The following WWOX variants were observed in gnomAD, a reference collection of about 807,000 sequenced individuals.
WWOX encodes the protein WW domain-containing oxidoreductase.
WWOX carries 69 observed loss-of-function variants against 46.2 expected under a neutral mutation model. The observed-to-expected ratio is 1.49, with a 90% confidence interval of 1.23 to 1.82. The LOEUF (loss-of-function observed/expected upper bound fraction) is 1.82. WWOX is among the 40% of genes most tolerant of loss of function. WWOX has a pLI of 0.00. For missense variants in WWOX, 919 were observed against 542.6 expected (o/e 1.69, Z -6.89); for synonymous variants, 359 against 202.6 (o/e 1.77, Z -6.56).
chr16:79,079,501 C>T (rs551546925), intron 8 of WWOX, among the ~76,000 whole-genome samples: 1 of 152,260 alleles, frequency 6.6e-6, no homozygotes, highest in East Asian at 1.9e-4. Flanking sequence ...TTGCCCCAAC[C>T]CCCTGTTACA....
intron 4 of WWOX, among the ~76,000 whole-genome samples, chr16:78,141,069 G>A (rs148322781): frequency 4.1e-4 from 62 of 152,252 alleles, no homozygotes; most frequent in Admixed American, 2.2e-3. Context: ...CTTTTGCCTC[G>A]TTATCATCAG....
At chr16:78,582,922 A>T (rs1164509700) in intron 8 of WWOX, among the ~76,000 whole-genome samples, 1 of 152,188 alleles carries the variant, frequency 6.6e-6, no homozygotes, top group Non-Finnish European at 1.5e-5. Context: ...ACAAGAAATG[A>T]TGAAAAGAAG....
chr16:79,045,587 C>A (rs957075344), intron 8 of WWOX, among the ~76,000 whole-genome samples: 3 of 152,028 alleles, frequency 2.0e-5, no homozygotes, highest in Non-Finnish European at 4.4e-5. Flanking sequence ...AGCCTCAAAA[C>A]AATCTGATGC....
intron 8 of WWOX, among the ~76,000 whole-genome samples, chr16:78,656,544 C>G (rs1485501702): frequency 2.0e-5 from 3 of 152,174 alleles, no homozygotes; most frequent in Non-Finnish European, 2.9e-5. Flanking sequence ...GGAGGAGGTA[C>G]TACCCACTTT....
At chr16:78,457,137 C>T (rs557120008) in intron 8 of WWOX, among the ~76,000 whole-genome samples, 10 of 152,312 alleles carry the variant, frequency 6.6e-5, no homozygotes, top group East Asian at 5.8e-4. Context: ...TCTCTCTGAT[C>T]GTGTCTGTGT....
intron 8 of WWOX, chr16:79,077,595 C>T (rs1359657029): frequency 1.3e-5 from 2 of 151,018 alleles, no homozygotes; most frequent in African/African-American, 4.9e-5. Flanking sequence ...CTTAAAGTTC[C>T]ATTGTTGCTG....
intron 8 of WWOX, among the ~76,000 whole-genome samples, chr16:78,591,405 C>T (rs2045348769): frequency 6.6e-6 from 1 of 152,196 alleles, no homozygotes; most frequent in Non-Finnish European, 1.5e-5. Context: ...CAGTACACAA[C>T]TGTCTCCAGT....
chr16:78,264,177 C>T (rs1343024987), intron 5 of WWOX, among the ~76,000 whole-genome samples: 1 of 151,578 alleles, frequency 6.6e-6, no homozygotes, highest in Admixed American at 6.6e-5. Context: ...CACAGAGGGC[C>T]CCAGGGACCC....
intron 8 of WWOX, among the ~76,000 whole-genome samples, chr16:78,972,549 T>C (rs1306425478): frequency 6.7e-6 from 1 of 149,800 alleles, no homozygotes; most frequent in Non-Finnish European, 1.5e-5. Flanking sequence ...GGGTGAAGAG[T>C]AGCAAATTTA....
At chr16:78,628,308 C>T (rs1036597709) in intron 8 of WWOX, among the ~76,000 whole-genome samples, 3 of 152,134 alleles carry the variant, frequency 2.0e-5, no homozygotes, top group African/African-American at 4.8e-5. Context: ...CTTTTCAGTT[C>T]AGTGTTTCAG....
chr16:78,102,174 G>A (rs900600094), intron 1 of WWOX, among the ~76,000 whole-genome samples: 8 of 152,148 alleles, frequency 5.3e-5, no homozygotes, highest in African/African-American at 1.9e-4. Context: ...CCCTCCCGAA[G>A]CACTGGAATC....
chr16:78,825,306 G>C (rs1411336349), intron 8 of WWOX: 1 of 302,930 alleles, frequency 3.3e-6, no homozygotes, highest in Non-Finnish European at 6.6e-6. Context: ...TCCAAGAAGA[G>C]GATGTTGGTC....
intron 1 of WWOX, chr16:78,100,269 G>C (rs1031664935): frequency 9.1e-7 from 1 of 1,098,804 alleles, no homozygotes; most frequent in Non-Finnish European, 1.1e-6. Flanking sequence ...GTTTTGTTTT[G>C]TCCAGACCGG....
At chr16:79,122,267 C>G (rs934353285) in intron 8 of WWOX, among the ~76,000 whole-genome samples, 1 of 151,848 alleles carries the variant, frequency 6.6e-6, no homozygotes, top group Non-Finnish European at 1.5e-5. Flanking sequence ...TAGGCTGAGC[C>G]AAAAAAGAAA....
intron 5 of WWOX, among the ~76,000 whole-genome samples, chr16:78,255,568 T>C (rs2038106040): frequency 6.6e-6 from 1 of 152,170 alleles, no homozygotes; most frequent in Admixed American, 6.6e-5. Context: ...GCATGTTTAC[T>C]CTCCTGATGT....
At chr16:79,000,703 G>T (rs1322681516) in intron 8 of WWOX, among the ~76,000 whole-genome samples, 1 of 152,138 alleles carries the variant, frequency 6.6e-6, no homozygotes, top group Non-Finnish European at 1.5e-5. Flanking sequence ...CTGACCTTCA[G>T]AAAATAAATT....
intron 5 of WWOX, among the ~76,000 whole-genome samples, chr16:78,189,998 A>T (rs1005767676): frequency 6.6e-6 from 1 of 151,920 alleles, no homozygotes; most frequent in South Asian, 2.1e-4. Context: ...TCCCACCCAA[A>T]CCTTTCCTAT....
In WWOX at chr16:79,099,205, C is replaced by T. The variant is rs1005164480; in HGVS notation, c.1057-112403C>T. Among the ~76,000 whole-genome samples, 5 of 152,140 alleles carry T rather than the reference C, an allele frequency of 3.3e-5. No homozygotes were observed. The South Asian group carries it at 8.3e-4, about 25-fold the overall frequency. On this transcript the variant is annotated intron_variant, in intron 8 of 8. Coordinates refer to ENST00000566780, the MANE Select transcript of WWOX (RefSeq NM_016373.4). Reference sequence around the variant, plus strand: ...GAAGCCCTTCATGAGGGATCCGTCCCCATGACCCAAACACCTCCCGGTAGG... The same window carrying T: ...GAAGCCCTTCATGAGGGATCCGTCCTCATGACCCAAACACCTCCCGGTAGG...
intron 8 of WWOX, among the ~76,000 whole-genome samples, chr16:79,034,135 T>A (rs1324063514): frequency 6.6e-6 from 1 of 152,204 alleles, no homozygotes; most frequent in African/African-American, 2.4e-5. Flanking sequence ...ACTCTTGACA[T>A]TTTTTATATT....
Sources: gnomAD v4.1 joint callset for allele counts (sites outside exome capture counted in the v4.1 genomes callset) on GRCh38, gnomAD v4.1.1 for gene constraint, MANE v1.5 for transcripts, NCBI Gene and HGNC (gene_info 2026-07-23, HGNC 2026-07-21) for gene names.